Variants in S100A5 observed in about 807,000 individuals in gnomAD.
The protein encoded by S100A5 is S100 calcium binding protein A5, also known as protein S100-A5.
A neutral mutation model predicts 6.7 loss-of-function variants in S100A5; 5 were observed. The observed-to-expected ratio is 0.75, with a 90% CI of 0.39 to 1.57. The LOEUF is 1.57. Ranked by LOEUF, S100A5 falls within the 40% of genes most tolerant of loss-of-function variation. The probability of loss-of-function intolerance (pLI) is 0.03; values close to 1 mark genes in which losing one functional copy is unlikely to be tolerated. For synonymous variants in S100A5, 49 were observed against 44.9 expected, an observed-to-expected ratio of 1.09 and a Z score of -0.37; for missense variants, 129 against 110.8, an observed-to-expected ratio of 1.16 and a Z score of -0.74.
intron 2 of S100A5, among the ~76,000 whole-genome samples, chr1:153,538,230 G>A (rs1300328616): frequency 6.6e-6 from 1 of 152,220 alleles, no homozygotes; most frequent in Non-Finnish European, 1.5e-5. Flanking sequence ...AGCTGTGCAA[G>A]AGGCCTGCCT....
Position 153,537,220 on chromosome 1 carries a change from G to T in S100A5, c.*76C>A. 6.5e-7 allele frequency: 1 copy of T among 1,532,992 alleles called. No individual in the cohort carries two copies. Among genetic ancestry groups the T allele is most frequent in the Non-Finnish European group, 8.9e-7 (1 of 1,117,664 alleles). 95.0% of individuals were successfully genotyped at this position (1,532,992 alleles called of 1,614,324 possible). ...TCTGGGAGGGAGAGGAGGGCAGGGG[G>T]CCAAAGAGGGTCTGTGAGAGGAGCA... is the stretch of plus-strand genomic sequence containing the variant. On this transcript the variant is annotated 3_prime_UTR_variant, in exon 3 of 3. Transcript: ENST00000368717.
intron 2 of S100A5, among the ~76,000 whole-genome samples, chr1:153,539,033 G>A (rs1665281359): frequency 6.6e-6 from 1 of 152,084 alleles, no homozygotes; most frequent in South Asian, 2.1e-4. Context: ...AGGAGGCTGA[G>A]GTAAGAGGAT....
In S100A5 at chr1:153,537,569, C is replaced by T; in HGVS notation, c.139-133G>A. On this transcript the variant is annotated intron_variant, in intron 2 of 2. Coordinates refer to ENST00000368717, the MANE Select transcript of S100A5 (RefSeq NM_001394232.1). The stretch of plus-strand genomic sequence containing the variant: ...TGAGTCAATGACACTGTCAGCATCT[C>T]GACCCCCAGAGTCTGCCCACTGCCC... 12 of 1,151,222 alleles carry T rather than the reference C, an allele frequency of 1.0e-5. No individual in the cohort carries two copies. The South Asian group carries it at 1.7e-4, about 16-fold the overall frequency. 71.3% of individuals were successfully genotyped at this position (1,151,222 alleles called of 1,614,324 possible).
At chr1:153,539,166 G>A (rs970305169) in intron 2 of S100A5, among the ~76,000 whole-genome samples, 4 of 151,524 alleles carry the variant, frequency 2.6e-5, no homozygotes, top group African/African-American at 4.9e-5. Flanking sequence ...AGTGGCTCAC[G>A]CCTGTAATCC....
Position 153,537,327 on chromosome 1 carries a change from T to C in S100A5, c.248A>G (p.Tyr83Cys). Reference protein sequence around the residue: ...SVFLTMLCMAYNDFFLEDNK With the variant: ...SVFLTMLCMACNDFFLEDNK ...GTTGTCCTCTAGAAAGAAGTCGTTG[T>C]AGGCCATGCACAGCATGGTCAGGAA... is the stretch of plus-strand genomic sequence containing the variant. The change falls in exon 3 of 3, where the codon TAC becomes TGC. Residue 83 changes from tyrosine to cysteine, a missense_variant. Tyr to Cys is a radical substitution (Grantham distance 194). Transcript: ENST00000368717. 2 of 1,614,080 alleles carry C rather than the reference T, an allele frequency of 1.2e-6. No homozygotes were observed. Among genetic ancestry groups the C allele is most frequent in the Non-Finnish European group, 1.7e-6 (2 of 1,179,942 alleles).
At chr1:153,542,189 C>T (rs968151466), upstream of S100A5, among the ~76,000 whole-genome samples, 1 of 152,168 alleles carries the variant, frequency 6.6e-6, no homozygotes, top group African/African-American at 2.4e-5. Flanking sequence ...ACTCAGACAT[C>T]GTTCTACCAC....
At chr1:153,539,409 A>G in intron 2 of S100A5, among the ~76,000 whole-genome samples, 1 of 122,554 alleles carries the variant, frequency 8.2e-6, no homozygotes, top group African/African-American at 3.2e-5. Context: ...CCTGGGTGAC[A>G]GAGCGAGACT....
rs900972433 is a variant in S100A5 at position 153,537,189 on chromosome 1, G to A, written c.*107C>T. 2.4e-5 allele frequency: 30 copies of A among 1,242,664 alleles called. No individual in the cohort carries two copies. The highest frequency in any genetic ancestry group is 3.4e-5 in the Non-Finnish European group (30 of 876,716). 77.0% of individuals were successfully genotyped at this position (1,242,664 alleles called of 1,614,324 possible). The stretch of plus-strand genomic sequence containing the variant: ...GAAACTTTATTTCCTCCCATGGAAG[G>A]GTCCATCTGGGAGGGAGAGGAGGGC... On this transcript the variant is annotated 3_prime_UTR_variant, in exon 3 of 3. Coordinates refer to ENST00000368717, the MANE Select transcript of S100A5 (RefSeq NM_001394232.1).
intron 2 of S100A5, among the ~76,000 whole-genome samples, chr1:153,538,858 G>A (rs1157359061): frequency 6.6e-6 from 1 of 152,178 alleles, no homozygotes; most frequent in East Asian, 1.9e-4. Flanking sequence ...ACTAGGCACA[G>A]TGGCTCATGC....
At chr1:153,542,062 G>A (rs899748804), upstream of S100A5, among the ~76,000 whole-genome samples, 7 of 152,344 alleles carry the variant, frequency 4.6e-5, no homozygotes, top group Admixed American at 1.3e-4. Flanking sequence ...GGTGTCCAGC[G>A]AAGGGCTAAG....
upstream of S100A5, chr1:153,543,270 C>T: frequency 1.0e-6 from 1 of 985,400 alleles, no homozygotes; most frequent in Non-Finnish European, 1.2e-6. Context: ...ATTCCAGACC[C>T]CAACCAGGAA....
Position 153,540,143 on chromosome 1 carries a change from G to T in S100A5, c.49C>A (p.His17Asn). 1 of 1,614,168 alleles carries T rather than the reference G, an allele frequency of 6.2e-7. No homozygotes were observed. The highest frequency in any genetic ancestry group is 8.5e-7 in the Non-Finnish European group (1 of 1,180,040). Residue 17 changes from histidine to asparagine, a missense_variant, in exon 2 of 3, where the codon CAC (histidine) becomes AAC (asparagine). His to Asn is a moderately conservative substitution (Grantham distance 68). Transcript: ENST00000368717. ...KALTTMVTTF[H>N]KYSGREGSKL... ...CTACCCTCTCTCCCCGAATATTTGT[G>T]AAACGTGGTCACCATAGTGGTCAGG...
chr1:153,539,920 T>C (rs1234182612), intron 2 of S100A5, 134 bp downstream of exon 2: 27 of 1,033,038 alleles, frequency 2.6e-5, no homozygotes, highest in South Asian at 1.4e-4. Flanking sequence ...ATCCCCACCA[T>C]CTTCCTTTGT....
chr1:153,537,537 C>T (rs1237175831), intron 2 of S100A5, 101 bp from the exon 3 acceptor site: 4 of 1,431,664 alleles, frequency 2.8e-6, no homozygotes, highest in Admixed American at 3.5e-5. Context: ...TCAGGGTGAG[C>T]CCCAGCTGAG....
At chr1:153,539,714 T>C (rs748632943) in intron 2 of S100A5, among the ~76,000 whole-genome samples, 21 of 151,944 alleles carry the variant, frequency 1.4e-4, no homozygotes, top group Non-Finnish European at 2.9e-4. Context: ...TGTACACAGC[T>C]GGACCTGGAC....
upstream of S100A5, among the ~76,000 whole-genome samples, chr1:153,542,288 TG>T (rs1665412913): frequency 6.6e-6 from 1 of 152,102 alleles, no homozygotes; most frequent in African/African-American, 2.4e-5. Context: ...CACCCCAGCC[TG>T]GGGGGCCTCC....
At position 153,537,361 on chromosome 1, in the gene S100A5, A is replaced by C; in HGVS notation, c.214T>G (p.Tyr72Asp). ...NSDQEIDFKE[Y>D]SVFLTMLCMA... ...CACAGCATGGTCAGGAACACCGAGT[A>C]CTCCTTGAAGTCGATCTCCTGGTCG... The change falls in exon 3 of 3, where the codon TAC (tyrosine) becomes GAC (aspartate). Residue 72 changes from tyrosine (Y) to aspartate (D), a missense_variant. Physicochemically the swap from Tyr to Asp is radical, Grantham distance 160 (BLOSUM62 -3). Coordinates refer to ENST00000368717, the MANE Select transcript of S100A5 (RefSeq NM_001394232.1). 1 of 1,614,002 alleles carries C rather than the reference A, an allele frequency of 6.2e-7. No individual in the cohort carries two copies.
chr1:153,539,444 AAAAAAAATATATATAT>A (rs1473290202), intron 2 of S100A5, among the ~76,000 whole-genome samples: 19 of 104,298 alleles, frequency 1.8e-4, no homozygotes, highest in African/African-American at 8.9e-4. Flanking sequence ...AAAAAAAAAA[AAAAAAAATATATATAT>A]ATATATATAT....
At chr1:153,542,187 A>G (rs1316971170), upstream of S100A5, among the ~76,000 whole-genome samples, 1 of 152,168 alleles carries the variant, frequency 6.6e-6, no homozygotes, top group Admixed American at 6.5e-5. Flanking sequence ...ACACTCAGAC[A>G]TCGTTCTACC....
Sources: gnomAD v4.1 joint callset for allele counts (sites outside exome capture counted in the v4.1 genomes callset) on GRCh38, gnomAD v4.1.1 for gene constraint, MANE v1.5 for transcripts, NCBI Gene and HGNC (gene_info 2026-07-23, HGNC 2026-07-21) for gene names.